UNC13C: variants seen among roughly 807,000 people sequenced by gnomAD.
UNC13C encodes unc-13 homolog C.
A neutral mutation model predicts 245.4 loss-of-function variants in UNC13C; 174 were observed. That is an observed-to-expected ratio of 0.71 (90% CI 0.63 to 0.80). The LOEUF (loss-of-function observed/expected upper bound fraction) is 0.80. UNC13C is among the 30% of genes least tolerant of loss of function. The pLI, the probability that UNC13C is intolerant of heterozygous loss-of-function variation, is 0.00. For missense variants in UNC13C, 2,829 were observed against 2,602.9 expected (o/e 1.09, Z -1.89); for synonymous variants, 992 against 895.1 (o/e 1.11, Z -1.93).
At chr15:54,364,277 T>C (rs2039305659) in intron 17 of UNC13C, among the ~76,000 whole-genome samples, 1 of 113,342 alleles carries the variant, frequency 8.8e-6, no homozygotes, top group Non-Finnish European at 1.8e-5. Context: ...CATCTAAGTA[T>C]TTATTAGACC....
chr15:54,443,352 A>T (rs1364659876), intron 19 of UNC13C, among the ~76,000 whole-genome samples: 2 of 151,940 alleles, frequency 1.3e-5, no homozygotes, highest in East Asian at 3.9e-4. Context: ...TCTTTTCAAA[A>T]ATCCAATTTG....
intron 17 of UNC13C, among the ~76,000 whole-genome samples, chr15:54,344,106 C>T (rs2038802452): frequency 6.6e-6 from 1 of 152,050 alleles, no homozygotes; most frequent in Admixed American, 6.5e-5. Context: ...AAGTTGGGGC[C>T]TGGTTAAAAA....
intron 19 of UNC13C, among the ~76,000 whole-genome samples, chr15:54,427,645 A>G (rs2040785883): frequency 6.6e-6 from 1 of 151,886 alleles, no homozygotes; most frequent in Admixed American, 6.6e-5. Context: ...ATACAATTTT[A>G]TATAAAACAT....
intron 28 of UNC13C, among the ~76,000 whole-genome samples, chr15:54,554,008 C>T (rs1896986948): frequency 1.3e-5 from 2 of 151,876 alleles, no homozygotes; most frequent in Admixed American, 1.3e-4. Context: ...CTTGAAATCC[C>T]CGTATCAGAG....
chr15:54,332,674 A>C (rs2038470516), intron 15 of UNC13C, among the ~76,000 whole-genome samples: 1 of 152,044 alleles, frequency 6.6e-6, no homozygotes, highest in South Asian at 2.1e-4. Flanking sequence ...ATAAGTATAC[A>C]CACATATAAT....
At chr15:54,607,857 AC>A (rs1273391622) in intron 30 of UNC13C, among the ~76,000 whole-genome samples, 1 of 152,152 alleles carries the variant, frequency 6.6e-6, no homozygotes, top group Non-Finnish European at 1.5e-5. Context: ...ATCACCTCCC[AC>A]CCGTTCCCTC....
intron 19 of UNC13C, among the ~76,000 whole-genome samples, chr15:54,455,233 AT>A (rs1567289204): frequency 0.022 from 2,168 of 97,028 alleles, 314 homozygotes; most frequent in Non-Finnish European, 0.03. Context: ...ATATATATAT[AT>A]ATATGTTTTT....
intron 13 of UNC13C, among the ~76,000 whole-genome samples, chr15:54,303,745 T>C (rs2037651402): frequency 6.6e-6 from 1 of 151,924 alleles, no homozygotes; most frequent in Admixed American, 6.6e-5. Context: ...GGGGCACAGC[T>C]TGGTTTTATA....
chr15:54,146,514 G>T (rs1166439454), intron 4 of UNC13C, among the ~76,000 whole-genome samples: 1 of 152,188 alleles, frequency 6.6e-6, no homozygotes, highest in African/African-American at 2.4e-5. Context: ...AAAAGACATG[G>T]CAAATGTCAT....
intron 30 of UNC13C, among the ~76,000 whole-genome samples, chr15:54,618,508 A>G (rs1331528868): frequency 6.6e-6 from 1 of 152,182 alleles, no homozygotes; most frequent in African/African-American, 2.4e-5. Flanking sequence ...ATTCAAATCC[A>G]TAGGAAATGG....
intron 4 of UNC13C, among the ~76,000 whole-genome samples, chr15:54,193,850 C>T (rs1433450721): frequency 6.6e-6 from 1 of 152,032 alleles, no homozygotes; most frequent in African/African-American, 2.4e-5. Context: ...TAGAGAGTGC[C>T]AGGGTAGCTT....
intron 4 of UNC13C, among the ~76,000 whole-genome samples, chr15:54,192,048 A>G (rs1052195228): frequency 6.6e-6 from 1 of 152,004 alleles, no homozygotes; most frequent in African/African-American, 2.4e-5. Context: ...GTTTAATTAG[A>G]TCCCATTTGT....
At chr15:53,847,276 A>G in the UNC13C span, among the ~76,000 whole-genome samples, 17 of 152,242 alleles carry the variant, frequency 1.1e-4, no homozygotes, top group South Asian at 3.1e-3. Flanking sequence ...TATATCAAGA[A>G]CATGGAAGAT....
rs1357051628 is a variant in UNC13C, at chr15:54,552,933, ACATTATATAATATATAT to A, written c.5878-2498_5878-2482del. 2.7e-3 allele frequency among the ~76,000 whole-genome samples: 221 copies of A among 81,890 alleles called. 3 individuals are homozygous for A. The highest frequency in any genetic ancestry group is 5.0e-3 in the South Asian group (12 of 2,380). The allele number at this position is 81,890 out of a possible 152,430, so 53.7% of individuals were successfully genotyped here. ...TATAATATATATTGTATTCTATATT[ACATTATATAATATATAT>A]TGTATTCTATATTACAATATATATT... On this transcript the variant is annotated intron_variant, in intron 28 of 32. Transcript: ENST00000260323.
At chr15:53,959,033 C>T in the UNC13C span, among the ~76,000 whole-genome samples, 4 of 152,106 alleles carry the variant, frequency 2.6e-5, no homozygotes, top group Admixed American at 1.3e-4. Context: ...CACATATAGG[C>T]GAGAATGTGA....
intron 4 of UNC13C, among the ~76,000 whole-genome samples, chr15:54,200,146 A>G (rs1162595575): frequency 6.6e-6 from 1 of 152,122 alleles, no homozygotes; most frequent in East Asian, 1.9e-4. Context: ...AATTGTGAAT[A>G]TATGTGCACC....
At position 54,056,436 on chromosome 15, in the gene UNC13C, G is replaced by C. The variant is rs760880545; in HGVS notation, c.2983+40550G>C. The stretch of plus-strand genomic sequence containing the variant: ...AAAAGAATAAAAAGAAATGCACAAA[G>C]CCTCCAAGAAATATGGGACTATGTG... On this transcript the variant is annotated intron_variant, in intron 2 of 32. Coordinates refer to ENST00000260323, the MANE Select transcript of UNC13C (RefSeq NM_001080534.3). 3.7e-4 allele frequency among the ~76,000 whole-genome samples: 57 copies of C among 152,252 alleles called. 1 individual carries two copies. Among genetic ancestry groups the C allele is most frequent in the Middle Eastern group, 3.4e-3 (1 of 294 alleles).
intron 26 of UNC13C, among the ~76,000 whole-genome samples, chr15:54,539,728 G>A (rs2141164307): frequency 6.6e-6 from 1 of 152,086 alleles, no homozygotes; most frequent in Admixed American, 6.6e-5. Flanking sequence ...CAAGGTTGTG[G>A]AACATAACAG....
intron 29 of UNC13C, among the ~76,000 whole-genome samples, chr15:54,560,878 T>C (rs75830833): frequency 0.061 from 9,339 of 152,004 alleles, 397 homozygotes; most frequent in Admixed American, 0.13. Flanking sequence ...ACAAAGCAAT[T>C]AAAGCAGGCA....
Sources: allele counts gnomAD v4.1 joint callset (sites outside exome capture counted in the v4.1 genomes callset), GRCh38; gene constraint gnomAD v4.1.1; transcripts MANE v1.5; gene names NCBI Gene and HGNC (gene_info 2026-07-23, HGNC 2026-07-21).